The following AAK1 variants were observed in gnomAD, a reference collection of about 807,000 sequenced individuals.
AAK1 encodes the protein AP2 associated kinase 1, also known as AP2-associated protein kinase 1.
Under a neutral mutation model 116.0 loss-of-function variants are expected in AAK1, and 37 were observed. That is an observed-to-expected ratio of 0.32 (90% CI 0.25 to 0.42). The LOEUF is 0.42. AAK1 is among the 10% of genes least tolerant of loss of function. AAK1 has a pLI of 1.00. For missense variants in AAK1, 919 were observed against 1,170.6 expected (o/e 0.79, Z 3.14); for synonymous variants, 458 against 439.9 (o/e 1.04, Z -0.51).
intron 2 of AAK1, among the ~76,000 whole-genome samples, chr2:69,607,293 A>G (rs1480910041): frequency 2.6e-5 from 4 of 152,132 alleles, no homozygotes; most frequent in Non-Finnish European, 5.9e-5. Flanking sequence ...GCAGGAGCAC[A>G]CCTGGCATAC....
Position 69,475,571 on chromosome 2 carries a change from T to A in AAK1, c.*298A>T. ...CAGTTAAGCTTTTGGTGGAGTTGAT[T>A]CCAGCAGAGGTGAAGCTCATGGCAT... On this transcript the variant is annotated 3_prime_UTR_variant, in exon 22 of 22. Coordinates refer to ENST00000409085, the MANE Select transcript of AAK1 (RefSeq NM_014911.5). 8.9e-7 allele frequency: 1 copy of A among 1,121,776 alleles called. No individual in the cohort carries two copies. The highest frequency in any genetic ancestry group is 1.1e-6 in the Non-Finnish European group (1 of 915,538). 69.5% of individuals were successfully genotyped at this position (1,121,776 alleles called of 1,614,324 possible).
chr2:69,482,956 C>A, intron 17 of AAK1, 144 bp from the exon 18 acceptor site: 1 of 610,190 alleles, frequency 1.6e-6, no homozygotes, highest in South Asian at 2.1e-5. Flanking sequence ...CTATTAATAT[C>A]TTGTTAACAA....
intron 5 of AAK1, among the ~76,000 whole-genome samples, chr2:69,536,165 C>T (rs1432042812): frequency 6.6e-6 from 1 of 152,160 alleles, no homozygotes; most frequent in South Asian, 2.1e-4. Flanking sequence ...TGCTGATGTG[C>T]ATTGTGCAAT....
chr2:69,527,233 G>T lies in AAK1; in HGVS notation c.958C>A (p.Pro320Thr). ...TCACGTACCTGTACATTTGGAATTG[G>T]GCACTCTTTCTTGAGTAGCTTAAAT... ...FSFKLLKKEC[P>T]IPNVQNSPIP... Residue 320 changes from proline to threonine, a missense_variant, in exon 9 of 22, where the codon CCA (proline) becomes ACA (threonine). Physicochemically the swap from Pro to Thr is conservative, Grantham distance 38. Coordinates refer to ENST00000409085, the MANE Select transcript of AAK1 (RefSeq NM_014911.5). 1 of 1,605,204 alleles carries T rather than the reference G, an allele frequency of 6.2e-7. No homozygotes were observed. Among genetic ancestry groups the T allele is most frequent in the South Asian group, 1.1e-5 (1 of 89,358 alleles).
Position 69,545,830 on chromosome 2 carries a change from G to A in AAK1, c.283-1286C>T, listed in dbSNP as rs555818976. On this transcript the variant is annotated intron_variant, in intron 3 of 21. Coordinates refer to ENST00000409085, the MANE Select transcript of AAK1 (RefSeq NM_014911.5). ...TTCACAGAACAGATGGGATGGTGGT[G>A]AGAATGAAACTGGACTTGCAATGAA... Among the ~76,000 whole-genome samples, 11 of 152,312 alleles carry A rather than the reference G, an allele frequency of 7.2e-5. No individual in the cohort carries two copies. The South Asian group carries it at 2.3e-3, about 32-fold the overall frequency.
At chr2:69,485,501 C>A (rs1208831119) in intron 17 of AAK1, among the ~76,000 whole-genome samples, 1 of 152,184 alleles carries the variant, frequency 6.6e-6, no homozygotes, top group Non-Finnish European at 1.5e-5. Context: ...GCATCCTGCA[C>A]TCAATTCTCT....
Position 69,469,666 on chromosome 2 carries a change from T to C in AAK1, c.*6203A>G, listed in dbSNP as rs1325387272. ...TAAAGCCCAGGGCCTGGCTTCATAG[T>C]CTGCACAGGGTCTTACTTATCATAG... On this transcript the variant is annotated 3_prime_UTR_variant, in exon 22 of 22. Transcript: ENST00000409085. 1 of 985,378 alleles carries C rather than the reference T, an allele frequency of 1.0e-6. No individual in the cohort carries two copies. Among genetic ancestry groups the C allele is most frequent in the Non-Finnish European group, 1.2e-6 (1 of 829,958 alleles). The allele number at this position is 985,378 out of a possible 1,614,324, so 61.0% of individuals were successfully genotyped here. A position where few individuals can be genotyped will look rare whatever the true frequency, so the allele number is the denominator to read the frequency against.
At chr2:69,607,581 C>A (rs1262179181) in intron 2 of AAK1, among the ~76,000 whole-genome samples, 1 of 152,164 alleles carries the variant, frequency 6.6e-6, no homozygotes, top group Non-Finnish European at 1.5e-5. Context: ...GATACAAAAT[C>A]TATTAAACAT....
chr2:69,624,897 G>C (rs1674826916), intron 2 of AAK1, among the ~76,000 whole-genome samples: 1 of 152,190 alleles, frequency 6.6e-6, no homozygotes, highest in Admixed American at 6.5e-5. Context: ...GTGTGGGGCA[G>C]AGACTGAGAA....
chr2:69,587,085 A>C (rs1025914612), intron 2 of AAK1, among the ~76,000 whole-genome samples: 2 of 151,996 alleles, frequency 1.3e-5, no homozygotes, highest in Non-Finnish European at 2.9e-5. Context: ...TCTTTAAAAA[A>C]AAACTTTTTT....
At position 69,472,067 on chromosome 2, in the gene AAK1, A is replaced by G. The variant is rs2104874198; in HGVS notation, c.*3802T>C. 4 of 985,170 alleles carry G rather than the reference A, an allele frequency of 4.1e-6. No individual in the cohort carries two copies. The highest frequency in any genetic ancestry group is 2.3e-4 in the East Asian group (2 of 8,820). The allele number at this position is 985,170 out of a possible 1,614,324, so 61.0% of individuals were successfully genotyped here. Reference sequence around the variant, plus strand: ...TTCTTTCAGAGGTGTTTTAATACCCATATCTTTCAATGTTTTAAACCATTC... The same window carrying G: ...TTCTTTCAGAGGTGTTTTAATACCCGTATCTTTCAATGTTTTAAACCATTC... On this transcript the variant is annotated 3_prime_UTR_variant, in exon 22 of 22. Transcript: ENST00000409085.
intron 9 of AAK1, among the ~76,000 whole-genome samples, chr2:69,526,840 T>C (rs1437218998): frequency 1.3e-5 from 2 of 152,116 alleles, no homozygotes; most frequent in Non-Finnish European, 2.9e-5. Context: ...CTAACAGGCA[T>C]GGGGGCATGT....
At chr2:69,642,337 G>A (rs1675770066) in intron 2 of AAK1, among the ~76,000 whole-genome samples, 1 of 152,070 alleles carries the variant, frequency 6.6e-6, no homozygotes, top group Non-Finnish European at 1.5e-5. Context: ...GATTACAGTT[G>A]GGTCAGGAAA....
intron 3 of AAK1, among the ~76,000 whole-genome samples, chr2:69,550,356 G>T (rs181258458): frequency 0.011 from 1,663 of 152,210 alleles, 36 homozygotes; most frequent in African/African-American, 0.038. Context: ...CCAGGCTGGA[G>T]TGCAGTGGCG....
chr2:69,549,096 C>T (rs541789527), intron 3 of AAK1, among the ~76,000 whole-genome samples: 8 of 151,652 alleles, frequency 5.3e-5, no homozygotes, highest in South Asian at 2.1e-4. Flanking sequence ...AGGCTGGGCT[C>T]GGTGGCTCAC....
At chr2:69,636,655 G>A (rs1035508095) in intron 2 of AAK1, among the ~76,000 whole-genome samples, 2 of 151,962 alleles carry the variant, frequency 1.3e-5, no homozygotes, top group African/African-American at 2.4e-5. Context: ...TCAAAATGTG[G>A]CTAGTGCATC....
chr2:69,491,171 C>T (rs1272704853), intron 17 of AAK1, among the ~76,000 whole-genome samples: 2 of 151,978 alleles, frequency 1.3e-5, no homozygotes, highest in Non-Finnish European at 2.9e-5. Context: ...TCTCGAACTC[C>T]CAGGCTCAAG....
chr2:69,555,223 A>G (rs1671342647), intron 3 of AAK1, among the ~76,000 whole-genome samples: 1 of 152,240 alleles, frequency 6.6e-6, no homozygotes, highest in African/African-American at 2.4e-5. Flanking sequence ...AGGAATCTGG[A>G]GCTATGTGCA....
At chr2:69,526,198 G>C (rs1670017914) in intron 9 of AAK1, among the ~76,000 whole-genome samples, 1 of 152,184 alleles carries the variant, frequency 6.6e-6, no homozygotes, top group Non-Finnish European at 1.5e-5. Context: ...TTTCAGTCAT[G>C]TGGGTCTAAT....
Sources: allele counts gnomAD v4.1 joint callset (sites outside exome capture counted in the v4.1 genomes callset), GRCh38; gene constraint gnomAD v4.1.1; transcripts MANE v1.5; gene names NCBI Gene and HGNC (gene_info 2026-07-23, HGNC 2026-07-21).